The following WIF1 variants were observed in gnomAD, a reference collection of about 807,000 sequenced individuals.
WIF1 encodes the protein Wnt inhibitory factor 1.
In WIF1, 35 loss-of-function variants were observed where a neutral mutation model predicts 53.5. The observed-to-expected ratio is 0.65, with a 90% CI of 0.50 to 0.87. The LOEUF (loss-of-function observed/expected upper bound fraction) is 0.87, where lower values mean the gene tolerates loss of function less well. Ranked by LOEUF, WIF1 falls within the 40% of genes least tolerant of loss-of-function variation. The pLI is 0.00. For missense variants in WIF1, 467 were observed against 476.8 expected (o/e 0.98, Z 0.19); for synonymous variants, 171 against 170.4 (o/e 1.00, Z -0.03).
rs12322887 is a variant in WIF1 at position 65,078,000 on chromosome 12, C to T, written c.289-146G>A. 6 of 636,528 alleles carry T rather than the reference C, an allele frequency of 9.4e-6. No homozygotes were observed. In the South Asian group the frequency reaches 1.1e-4, roughly 12 times the overall value. 39.4% of individuals were successfully genotyped at this position (636,528 alleles called of 1,614,324 possible). A position where few individuals can be genotyped will look rare whatever the true frequency, so the allele number is the denominator to read the frequency against. ...CAGCATCCAAGATACTGGGTAGGCA[C>T]AACTCACCCTTCTGTGTTAGACTCT... On this transcript the variant is annotated intron_variant, in intron 2 of 9. Transcript: ENST00000286574.
intron 3 of WIF1, 85 bp downstream of exon 3, chr12:65,077,661 T>C: frequency 2.0e-6 from 2 of 990,274 alleles, no homozygotes; most frequent in Non-Finnish European, 3.1e-6. Flanking sequence ...TCATAACCTC[T>C]CTGATGTAGG....
Position 65,055,130 on chromosome 12 carries a change from G to T in WIF1, c.1006C>A (p.His336Asn). The change falls in exon 9 of 10, where the codon CAC becomes AAC. Residue 336 changes from histidine (H) to asparagine (N), a missense_variant. His to Asn is a moderately conservative substitution (Grantham distance 68). Coordinates refer to ENST00000286574, the MANE Select transcript of WIF1 (RefSeq NM_007191.5). ...TTCTCCCACTCACTTTTATTGCAGT[G>T]TCTTCCATGCCAACCTTCTTGACAT... ...CQCQEGWHGRHCNKRYEASLI... is the reference protein window; with the variant it reads ...CQCQEGWHGRNCNKRYEASLI... 1 of 1,613,724 alleles carries T rather than the reference G, an allele frequency of 6.2e-7. No homozygotes were observed. The highest frequency in any genetic ancestry group is 8.5e-7 in the Non-Finnish European group (1 of 1,179,902).
intron 7 of WIF1, among the ~76,000 whole-genome samples, chr12:65,062,100 C>T (rs1338226618): frequency 6.6e-6 from 1 of 152,148 alleles, no homozygotes; most frequent in Non-Finnish European, 1.5e-5. Flanking sequence ...GCAGGGGAAA[C>T]AGGTACATAG....
At chr12:65,112,403 A>ATC (rs756745971) in intron 2 of WIF1, among the ~76,000 whole-genome samples, 271 of 27,146 alleles carry the variant, frequency 1.0e-2, no homozygotes, top group South Asian at 0.075. Context: ...CCCTGCTCTA[A>ATC]TCACACACAC....
In WIF1 at chr12:65,085,903, G is replaced by A. The variant is rs187151031; in HGVS notation, c.289-8049C>T. Among the ~76,000 whole-genome samples the A allele has an allele frequency of 8.5e-4, 130 of 152,246 alleles. 2 individuals are homozygous for A. The Middle Eastern group carries it at 0.01, about 12-fold the overall frequency. On this transcript the variant is annotated intron_variant, in intron 2 of 9. Coordinates refer to ENST00000286574, the MANE Select transcript of WIF1 (RefSeq NM_007191.5). ...ACATTTTCCATTTTTTCCTCCTAGAGTTTGGAATCACCACTGTTCATGCAA... is the reference window on the plus strand; with the variant it reads ...ACATTTTCCATTTTTTCCTCCTAGAATTTGGAATCACCACTGTTCATGCAA...
At chr12:65,072,206 A>G (rs996995652) in intron 3 of WIF1, among the ~76,000 whole-genome samples, 1 of 152,064 alleles carries the variant, frequency 6.6e-6, no homozygotes, top group African/African-American at 2.4e-5. Context: ...CAGTTCCCCA[A>G]ATGTGTGGTG....
intron 2 of WIF1, among the ~76,000 whole-genome samples, chr12:65,084,669 C>T (rs1306349209): frequency 1.3e-5 from 2 of 152,194 alleles, no homozygotes; most frequent in Non-Finnish European, 2.9e-5. Context: ...GCATTGTGCA[C>T]AGCAAGGCAT....
At chr12:65,057,625 CT>C (rs1222884149) in intron 7 of WIF1, among the ~76,000 whole-genome samples, 1 of 152,012 alleles carries the variant, frequency 6.6e-6, no homozygotes, top group Non-Finnish European at 1.5e-5. Context: ...TTTTGTTGTT[CT>C]TTTTCTTTTC....
intron 2 of WIF1, among the ~76,000 whole-genome samples, chr12:65,117,212 C>T (rs941300126): frequency 3.3e-5 from 5 of 152,106 alleles, no homozygotes; most frequent in Admixed American, 1.3e-4. Flanking sequence ...ATTTCCTTGG[C>T]ATGAATCTCT....
chr12:65,053,462 T>A (rs1349157729), intron 9 of WIF1, among the ~76,000 whole-genome samples: 1 of 152,094 alleles, frequency 6.6e-6, no homozygotes, highest in Non-Finnish European at 1.5e-5. Context: ...GTGAGCGAGT[T>A]CTCACGAGAT....
rs1883579896 is a variant in WIF1, at chr12:65,120,246, T to C, written c.288+171A>G. Among the ~76,000 whole-genome samples the C allele has an allele frequency of 7.2e-5, 11 of 152,256 alleles. No homozygotes were observed. In the South Asian group the frequency reaches 2.3e-3, roughly 31 times the overall value. Reference sequence around the variant, plus strand: ...GTTCTTTTCTTTTGAAGATCATTAATTGATATGGCAACTTGAAATAAATGG... The same window carrying C: ...GTTCTTTTCTTTTGAAGATCATTAACTGATATGGCAACTTGAAATAAATGG... On this transcript the variant is annotated intron_variant, in intron 2 of 9. Coordinates refer to ENST00000286574, the MANE Select transcript of WIF1 (RefSeq NM_007191.5).
rs191004231 is a variant in WIF1, at chr12:65,112,886, G to A, written c.288+7531C>T. Among the ~76,000 whole-genome samples the A allele has an allele frequency of 8.4e-4, 128 of 152,326 alleles. 1 individual carries two copies. Among genetic ancestry groups the A allele is most frequent in the Non-Finnish European group, 1.2e-3 (82 of 68,030 alleles). ...AAACATCACTTGCTCAGTGAGCTCA[G>A]TGAAGTAGCCCTGGCTCCCTTCCTT... On this transcript the variant is annotated intron_variant, in intron 2 of 9. Transcript: ENST00000286574.
At position 65,120,493 on chromosome 12, in the gene WIF1, C is replaced by G; in HGVS notation, c.212G>C (p.Arg71Thr). 1 of 1,614,118 alleles carries G rather than the reference C, an allele frequency of 6.2e-7. No individual in the cohort carries two copies. The highest frequency in any genetic ancestry group is 8.5e-7 in the Non-Finnish European group (1 of 1,180,016). ...AGCTGGCATTCTCTGTTGTGCTTTTCTGAAATCATGTGTAAAAGGTGCCAT... is the reference window on the plus strand; with the variant it reads ...AGCTGGCATTCTCTGTTGTGCTTTTGTGAAATCATGTGTAAAAGGTGCCAT... ...GKMAPFTHDFRKAQQRMPAIP... is the reference protein window; with the variant it reads ...GKMAPFTHDFTKAQQRMPAIP... Residue 71 changes from arginine (R) to threonine (T), a missense_variant, in exon 2 of 10, where the codon AGA becomes ACA. Arg to Thr is a moderately conservative substitution (Grantham distance 71, BLOSUM62 -1). Coordinates refer to ENST00000286574, the MANE Select transcript of WIF1 (RefSeq NM_007191.5).
intron 2 of WIF1, among the ~76,000 whole-genome samples, chr12:65,091,038 C>A (rs1883114406): frequency 6.6e-6 from 1 of 151,994 alleles, no homozygotes. Flanking sequence ...AAACAACCTT[C>A]CTTTTCTAGT....
intron 2 of WIF1, among the ~76,000 whole-genome samples, chr12:65,084,719 T>C (rs1883009029): frequency 1.3e-5 from 2 of 152,186 alleles, no homozygotes; most frequent in Non-Finnish European, 2.9e-5. Context: ...AATGACCTAC[T>C]GAGAGGCATC....
chr12:65,062,638 A>C, intron 6 of WIF1, 62 bp from the exon 7 acceptor site: 6 of 1,460,816 alleles, frequency 4.1e-6, no homozygotes, highest in South Asian at 1.3e-5. Flanking sequence ...CACAAATTTC[A>C]CTTAAAGTGA....
chr12:65,092,698 TA>T (rs1332364601), intron 2 of WIF1, among the ~76,000 whole-genome samples: 1 of 151,800 alleles, frequency 6.6e-6, no homozygotes, highest in African/African-American at 2.4e-5. Context: ...GGCACATTCA[TA>T]AAAATAGCGA....
At chr12:65,114,851 T>C (rs1363090927) in intron 2 of WIF1, among the ~76,000 whole-genome samples, 2 of 152,150 alleles carry the variant, frequency 1.3e-5, no homozygotes, top group Non-Finnish European at 2.9e-5. Context: ...ACACTTCGGT[T>C]TTGTTTTTAA....
intron 2 of WIF1, among the ~76,000 whole-genome samples, chr12:65,107,407 T>G (rs1033845771): frequency 6.6e-6 from 1 of 152,130 alleles, no homozygotes; most frequent in Non-Finnish European, 1.5e-5. Context: ...GACTAATCAC[T>G]GAGGTCAGGA....
Sources: gnomAD v4.1 joint callset for allele counts (sites outside exome capture counted in the v4.1 genomes callset) on GRCh38, gnomAD v4.1.1 for gene constraint, MANE v1.5 for transcripts, NCBI Gene and HGNC (gene_info 2026-07-23, HGNC 2026-07-21) for gene names.